Variants in COL25A1 observed in about 807,000 individuals in gnomAD.
The protein encoded by COL25A1 is collagen alpha-1(XXV) chain.
A neutral mutation model predicts 128.4 loss-of-function variants in COL25A1; 103 were observed. The ratio of observed to expected loss-of-function variants is 0.80; its 90% confidence interval spans 0.68 to 0.94. The LOEUF (loss-of-function observed/expected upper bound fraction) is 0.94. Ranked by LOEUF, COL25A1 falls within the 40% of genes least tolerant of loss-of-function variation. COL25A1 has a pLI of 0.00. For missense variants in COL25A1, 745 were observed against 840.0 expected, an observed-to-expected ratio of 0.89 and a Z score of 1.40; for synonymous variants, 279 against 277.2, an observed-to-expected ratio of 1.01 and a Z score of -0.06.
chr4:109,058,922 C>T (rs577942619), intron 3 of COL25A1, among the ~76,000 whole-genome samples: 7 of 152,164 alleles, frequency 4.6e-5, no homozygotes, highest in South Asian at 2.1e-4. Context: ...AAAGGCAAGA[C>T]GAAGTCATTC....
chr4:109,029,066 TA>T (rs1758593919), intron 5 of COL25A1, among the ~76,000 whole-genome samples: 1 of 152,116 alleles, frequency 6.6e-6, no homozygotes, highest in Non-Finnish European at 1.5e-5. Flanking sequence ...AGTTTCATTG[TA>T]AAAGGGAGTG....
chr4:108,962,406 C>A (rs1292763195), intron 8 of COL25A1, among the ~76,000 whole-genome samples: 1 of 152,182 alleles, frequency 6.6e-6, no homozygotes, highest in South Asian at 2.1e-4. Flanking sequence ...GTCTTGATCT[C>A]CTGACCTCAT....
intron 8 of COL25A1, among the ~76,000 whole-genome samples, chr4:108,970,974 T>A (rs370718009): frequency 3.8e-4 from 58 of 152,152 alleles, no homozygotes; most frequent in East Asian, 2.9e-3. Context: ...AACTAAATCC[T>A]GCCATTTTCT....
At chr4:109,300,181 CAA>C (rs11404203) in intron 3 of COL25A1, among the ~76,000 whole-genome samples, 15 of 126,032 alleles carry the variant, frequency 1.2e-4, no homozygotes, top group African/African-American at 3.3e-4. Context: ...TAAACCAAAA[CAA>C]AAAAAAAAAA....
At chr4:109,084,956 C>A (rs1277424552) in intron 3 of COL25A1, among the ~76,000 whole-genome samples, 1 of 152,222 alleles carries the variant, frequency 6.6e-6, no homozygotes. Flanking sequence ...ACAGAGCCCT[C>A]TCAAAAGTCA....
intron 3 of COL25A1, among the ~76,000 whole-genome samples, chr4:109,120,974 A>G (rs1229629160): frequency 1.3e-5 from 2 of 152,146 alleles, no homozygotes; most frequent in African/African-American, 4.8e-5. Flanking sequence ...ATGGAGAGAC[A>G]TTCCATATTC....
At chr4:109,216,186 G>T (rs1777966073) in intron 3 of COL25A1, among the ~76,000 whole-genome samples, 1 of 151,980 alleles carries the variant, frequency 6.6e-6, no homozygotes, top group Non-Finnish European at 1.5e-5. Flanking sequence ...ACTCTATCCG[G>T]TGTTCCTACT....
At position 109,225,244 on chromosome 4, in the gene COL25A1, A is replaced by G. The variant is rs114933006; in HGVS notation, c.367+75339T>C. On this transcript the variant is annotated intron_variant, in intron 3 of 37. Coordinates refer to ENST00000399132, the MANE Select transcript of COL25A1 (RefSeq NM_198721.4). ...TGCAAAGTGTGCACCTGACAAAAAA[A>G]CTTACATTCAGAATCTACAAGGAAT... 6.0e-3 allele frequency among the ~76,000 whole-genome samples: 919 copies of G among 152,328 alleles called. 9 individuals carry two copies. The highest frequency in any genetic ancestry group is 0.02 in the African/African-American group (845 of 41,580).
At chr4:108,954,646 T>G (rs542507220) in intron 8 of COL25A1, among the ~76,000 whole-genome samples, 4 of 152,026 alleles carry the variant, frequency 2.6e-5, no homozygotes, top group Non-Finnish European at 5.9e-5. Context: ...TTTCTTTATT[T>G]AAATGTACTT....
intron 16 of COL25A1, among the ~76,000 whole-genome samples, chr4:108,891,711 G>GT (rs1203179628): frequency 0.035 from 5,084 of 144,102 alleles, 242 homozygotes; most frequent in African/African-American, 0.12. Flanking sequence ...CGTGTTTTAG[G>GT]TTTTTTTTTT....
intron 3 of COL25A1, among the ~76,000 whole-genome samples, chr4:109,184,807 G>A (rs952029726): frequency 1.1e-4 from 17 of 152,116 alleles, no homozygotes; most frequent in African/African-American, 4.1e-4. Flanking sequence ...CAATATTCCT[G>A]CCAAGTGGCT....
chr4:109,241,622 T>C (rs1779900220), intron 3 of COL25A1, among the ~76,000 whole-genome samples: 1 of 118,830 alleles, frequency 8.4e-6, no homozygotes, highest in Non-Finnish European at 1.7e-5. Context: ...AGCATCTGTC[T>C]AGCCAAAAAA....
chr4:109,217,056 ATC>A (rs1778049028), intron 3 of COL25A1, among the ~76,000 whole-genome samples: 1 of 150,180 alleles, frequency 6.7e-6, no homozygotes, highest in East Asian at 2.2e-4. Flanking sequence ...TTAGTACTTA[ATC>A]TCTCTTTTCT....
intron 3 of COL25A1, among the ~76,000 whole-genome samples, chr4:109,050,941 C>T (rs1229293217): frequency 3.3e-5 from 5 of 150,020 alleles, no homozygotes; most frequent in South Asian, 4.2e-4. Context: ...TATCAGACTT[C>T]GCACAAGATT....
At chr4:109,157,211 TAA>T (rs575982544) in intron 3 of COL25A1, among the ~76,000 whole-genome samples, 1 of 152,154 alleles carries the variant, frequency 6.6e-6, no homozygotes, top group Non-Finnish European at 1.5e-5. Flanking sequence ...TAAATTGAAA[TAA>T]AAGTTCACAA....
At chr4:108,918,961 G>A (rs531177439) in intron 12 of COL25A1, among the ~76,000 whole-genome samples, 1 of 152,290 alleles carries the variant, frequency 6.6e-6, no homozygotes, top group African/African-American at 2.4e-5. Flanking sequence ...CATTTAACGG[G>A]ATATAGAAAC....
chr4:109,005,824 T>A (rs935192288), intron 6 of COL25A1, among the ~76,000 whole-genome samples: 31 of 152,148 alleles, frequency 2.0e-4, no homozygotes, highest in Admixed American at 7.9e-4. Flanking sequence ...TTTTGCAGTG[T>A]CCATACCCTT....
intron 3 of COL25A1, among the ~76,000 whole-genome samples, chr4:109,229,598 T>A (rs768929240): frequency 1.3e-5 from 2 of 152,146 alleles, no homozygotes; most frequent in Non-Finnish European, 2.9e-5. Context: ...TTGAACCATT[T>A]CCAACAGCAA....
At chr4:109,097,469 C>G (rs961747383) in intron 3 of COL25A1, among the ~76,000 whole-genome samples, 1 of 149,794 alleles carries the variant, frequency 6.7e-6, no homozygotes, top group Non-Finnish European at 1.5e-5. Flanking sequence ...AAAAATTAGC[C>G]AGGCTTGGTC....
Sources: gnomAD v4.1 joint callset for allele counts (sites outside exome capture counted in the v4.1 genomes callset) on GRCh38, gnomAD v4.1.1 for gene constraint, MANE v1.5 for transcripts, NCBI Gene and HGNC (gene_info 2026-07-23, HGNC 2026-07-21) for gene names.